SAMD5: variants seen among roughly 807,000 people sequenced by gnomAD.
The protein encoded by SAMD5 is sterile alpha motif domain containing 5, also known as sterile alpha motif domain-containing protein 5.
In SAMD5, 13 loss-of-function variants were observed where a neutral mutation model predicts 11.3. The observed-to-expected ratio is 1.15, with a 90% CI of 0.75 to 1.83. The LOEUF (loss-of-function observed/expected upper bound fraction) is 1.83, where lower values mean the gene tolerates loss of function less well. SAMD5 is among the 40% of genes most tolerant of loss of function. The pLI is 0.00. For synonymous variants in SAMD5, 129 were observed against 111.3 expected (o/e 1.16, Z -1.00); for missense variants, 255 against 239.1 (o/e 1.07, Z -0.44).
the SAMD5 span, among the ~76,000 whole-genome samples, chr6:147,859,333 T>C: frequency 2.6e-5 from 4 of 152,274 alleles, no homozygotes; most frequent in Admixed American, 2.6e-4. Flanking sequence ...ATGCCTACCA[T>C]AGGAAACAAT....
At chr6:147,746,461 A>AT in the SAMD5 span, among the ~76,000 whole-genome samples, 1 of 152,160 alleles carries the variant, frequency 6.6e-6, no homozygotes, top group South Asian at 2.1e-4. Flanking sequence ...AAGTTTACAG[A>AT]TTTTATGGTA....
At chr6:147,940,860 G>A in the SAMD5 span, among the ~76,000 whole-genome samples, 9 of 152,280 alleles carry the variant, frequency 5.9e-5, 1 homozygote, top group South Asian at 1.9e-3. Context: ...TACTTGGGAG[G>A]CTGAGGCAGG....
At chr6:147,902,149 G>A in the SAMD5 span, among the ~76,000 whole-genome samples, 3 of 151,860 alleles carry the variant, frequency 2.0e-5, no homozygotes, top group East Asian at 5.8e-4. Flanking sequence ...GGAAAAAAAA[G>A]CAATCATTCC....
At chr6:147,743,116 T>C in the SAMD5 span, 9 of 152,230 alleles carry the variant, frequency 5.9e-5, 1 homozygote, top group African/African-American at 1.4e-4. Flanking sequence ...TTATTAGAGA[T>C]AATTGTTCTG....
At chr6:147,798,414 C>T in the SAMD5 span, among the ~76,000 whole-genome samples, 22 of 149,718 alleles carry the variant, frequency 1.5e-4, no homozygotes, top group South Asian at 4.3e-4. Context: ...CTAGTTTGAT[C>T]GCACTGTGGT....
chr6:147,869,413 A>G, the SAMD5 span, among the ~76,000 whole-genome samples: 1 of 152,204 alleles, frequency 6.6e-6, no homozygotes, highest in Non-Finnish European at 1.5e-5. Context: ...TGCTGGGTCA[A>G]CATGTGGGCT....
chr6:147,829,533 T>C, the SAMD5 span, among the ~76,000 whole-genome samples: 1 of 152,220 alleles, frequency 6.6e-6, no homozygotes, highest in African/African-American at 2.4e-5. Flanking sequence ...GATAATAATT[T>C]GGCACCAAAG....
chr6:147,685,164 A>C (rs1442144315), intron 1 of SAMD5, among the ~76,000 whole-genome samples: 1 of 152,106 alleles, frequency 6.6e-6, no homozygotes, highest in Non-Finnish European at 1.5e-5. Flanking sequence ...ATGTTGTGAA[A>C]TATCTCTGAC....
chr6:147,588,449 C>A (rs1455515439), intron 1 of SAMD5, among the ~76,000 whole-genome samples: 1 of 150,976 alleles, frequency 6.6e-6, no homozygotes, highest in Non-Finnish European at 1.5e-5. Context: ...AAGTAGTAGT[C>A]CCAATTAGGG....
At chr6:147,805,762 G>C in the SAMD5 span, among the ~76,000 whole-genome samples, 1 of 152,024 alleles carries the variant, frequency 6.6e-6, no homozygotes, top group Admixed American at 6.6e-5. Flanking sequence ...AAAATGTTTA[G>C]GAATTTCTTA....
At chr6:147,536,442 A>C (rs1260133802) in intron 1 of SAMD5, among the ~76,000 whole-genome samples, 1 of 152,242 alleles carries the variant, frequency 6.6e-6, no homozygotes, top group Non-Finnish European at 1.5e-5. Flanking sequence ...AAAAGTTGCA[A>C]ATAGCTTTAA....
chr6:147,683,289 A>G (rs1311499174), intron 1 of SAMD5, among the ~76,000 whole-genome samples: 1 of 152,248 alleles, frequency 6.6e-6, no homozygotes, highest in African/African-American at 2.4e-5. Context: ...GAGAGTTGCA[A>G]AATAATCACA....
intron 1 of SAMD5, among the ~76,000 whole-genome samples, chr6:147,617,305 A>C (rs1448314127): frequency 6.6e-6 from 1 of 152,204 alleles, no homozygotes; most frequent in Non-Finnish European, 1.5e-5. Context: ...CTTCAAGAAA[A>C]TAAGGACCTC....
At chr6:147,827,952 G>T in the SAMD5 span, among the ~76,000 whole-genome samples, 2 of 148,930 alleles carry the variant, frequency 1.3e-5, no homozygotes, top group African/African-American at 2.6e-5. Context: ...ACCACTCCCG[G>T]CTAATTTTTC....
chr6:147,563,393 T>C (rs1382657142), intron 1 of SAMD5, among the ~76,000 whole-genome samples: 1 of 152,200 alleles, frequency 6.6e-6, no homozygotes, highest in Non-Finnish European at 1.5e-5. Flanking sequence ...AGATAGAGAC[T>C]AGGAAAACAA....
chr6:147,790,756 TTCTCTCTCTCTCTTTCTCTCTCTC>T, the SAMD5 span, among the ~76,000 whole-genome samples: 2 of 28,968 alleles, frequency 6.9e-5, no homozygotes, highest in Non-Finnish European at 1.4e-4. Flanking sequence ...CTCTCTCTCT[TTCTCTCTCTCTCTTTCTCTCTCTC>T]TCTCTCTCTC....
chr6:147,675,790 GA>G (rs1790854564), intron 1 of SAMD5, among the ~76,000 whole-genome samples: 1 of 151,898 alleles, frequency 6.6e-6, no homozygotes, highest in African/African-American at 2.4e-5. Context: ...CATTTAAAAT[GA>G]ACTGACAGTG....
At chr6:147,852,769 G>A in the SAMD5 span, among the ~76,000 whole-genome samples, 17 of 152,058 alleles carry the variant, frequency 1.1e-4, no homozygotes, top group Non-Finnish European at 2.2e-4. Flanking sequence ...AAAATACTAA[G>A]GAGATAGCAA....
chr6:147,689,465 T>C (rs747382036), intron 1 of SAMD5, among the ~76,000 whole-genome samples: 9 of 152,228 alleles, frequency 5.9e-5, no homozygotes, highest in Non-Finnish European at 1.3e-4. Context: ...TATCTTACTT[T>C]GCTAGTAGGA....
Sources: allele counts gnomAD v4.1 joint callset (sites outside exome capture counted in the v4.1 genomes callset), GRCh38; gene constraint gnomAD v4.1.1; transcripts MANE v1.5; gene names NCBI Gene and HGNC (gene_info 2026-07-23, HGNC 2026-07-21).